The following CTNNA2 variants were observed in gnomAD, a reference collection of about 807,000 sequenced individuals.
The protein encoded by CTNNA2 is catenin alpha 2.
In CTNNA2, 42 loss-of-function variants were observed where a neutral mutation model predicts 101.0. The ratio of observed to expected loss-of-function variants is 0.42; its 90% CI spans 0.32 to 0.54. The LOEUF (loss-of-function observed/expected upper bound fraction) is 0.54. Among genes scored for constraint, CTNNA2 ranks in the 20% least tolerant of loss-of-function variants. The pLI, the probability that CTNNA2 is intolerant of heterozygous loss-of-function variation, is 0.14. For synonymous variants in CTNNA2, 450 were observed against 456.4 expected (o/e 0.99, Z 0.18); for missense variants, 871 against 1,223.1 (o/e 0.71, Z 4.29).
intron 2 of CTNNA2, among the ~76,000 whole-genome samples, chr2:79,675,638 G>A (rs1195116999): frequency 6.6e-6 from 1 of 152,132 alleles, no homozygotes. Flanking sequence ...GTTGCATTAT[G>A]TAAAACGAGG....
chr2:80,647,553 C>A, intron 18 of CTNNA2, 32 bp from the exon 19 acceptor site: 2 of 1,553,790 alleles, frequency 1.3e-6, no homozygotes, highest in South Asian at 1.2e-5. Flanking sequence ...CCTCCATTAA[C>A]CCACATGTAT....
At chr2:79,733,890 G>T (rs1047946613) in intron 2 of CTNNA2, among the ~76,000 whole-genome samples, 4 of 152,114 alleles carry the variant, frequency 2.6e-5, no homozygotes, top group Admixed American at 2.6e-4. Context: ...AAAAGATGAT[G>T]AATGTTGGGA....
At chr2:80,197,432 T>C (rs147957013) in intron 7 of CTNNA2, among the ~76,000 whole-genome samples, 1 of 152,352 alleles carries the variant, frequency 6.6e-6, no homozygotes, top group Admixed American at 6.5e-5. Context: ...GAAATCAGCA[T>C]GAATTACCTC....
At chr2:80,489,143 G>A (rs1686830178) in intron 9 of CTNNA2, among the ~76,000 whole-genome samples, 2 of 152,280 alleles carry the variant, frequency 1.3e-5, no homozygotes, top group South Asian at 4.1e-4. Context: ...TGAGGTGACA[G>A]CATTCAGCAA....
intron 4 of CTNNA2, among the ~76,000 whole-genome samples, chr2:79,444,491 C>A (rs1446296940): frequency 6.6e-6 from 1 of 152,076 alleles, no homozygotes; most frequent in Non-Finnish European, 1.5e-5. Flanking sequence ...ACTAGAAAGA[C>A]TTCCCTCCCC....
chr2:80,169,277 G>T (rs2148959252), intron 7 of CTNNA2, among the ~76,000 whole-genome samples: 1 of 152,276 alleles, frequency 6.6e-6, no homozygotes, highest in East Asian at 1.9e-4. Flanking sequence ...ATAGTCATGA[G>T]CACGAAATTC....
At chr2:80,567,418 G>A (rs1283277556) in intron 12 of CTNNA2, among the ~76,000 whole-genome samples, 3 of 152,136 alleles carry the variant, frequency 2.0e-5, no homozygotes, top group African/African-American at 7.2e-5. Flanking sequence ...ATGCTTCATG[G>A]ATGTGTGGAA....
At chr2:80,500,957 A>T (rs911082117) in intron 9 of CTNNA2, among the ~76,000 whole-genome samples, 45 of 152,170 alleles carry the variant, frequency 3.0e-4, no homozygotes, top group African/African-American at 8.4e-4. Context: ...TTTACAGGTA[A>T]GAGGAGTGAA....
chr2:80,344,272 TG>T (rs1224164213), intron 7 of CTNNA2, among the ~76,000 whole-genome samples: 1 of 152,182 alleles, frequency 6.6e-6, no homozygotes, highest in Non-Finnish European at 1.5e-5. Flanking sequence ...CTCTTAACTC[TG>T]GAGGGCTTCC....
chr2:79,526,431 A>G (rs1011639612), intron 1 of CTNNA2, among the ~76,000 whole-genome samples: 5 of 150,468 alleles, frequency 3.3e-5, no homozygotes, highest in South Asian at 2.1e-4. Context: ...ATTCAATGCT[A>G]TTGCTGTGAA....
chr2:80,109,595 T>G (rs999367516), intron 7 of CTNNA2, among the ~76,000 whole-genome samples: 19 of 152,206 alleles, frequency 1.2e-4, no homozygotes, highest in African/African-American at 4.3e-4. Flanking sequence ...ATATTTGGTA[T>G]TCTGAATTCT....
At chr2:79,321,274 C>A (rs1676617358) in intron 3 of CTNNA2, among the ~76,000 whole-genome samples, 2 of 152,076 alleles carry the variant, frequency 1.3e-5, no homozygotes, top group Non-Finnish European at 2.9e-5. Context: ...TGTCTGATGA[C>A]TCTGAAACAA....
intron 7 of CTNNA2, among the ~76,000 whole-genome samples, chr2:80,219,956 C>T (rs1397262137): frequency 2.0e-5 from 3 of 152,102 alleles, no homozygotes; most frequent in Non-Finnish European, 4.4e-5. Flanking sequence ...TTCCTTCCCT[C>T]ACAGTACATT....
intron 2 of CTNNA2, among the ~76,000 whole-genome samples, chr2:79,701,792 A>C (rs537141980): frequency 1.1e-4 from 16 of 152,204 alleles, no homozygotes; most frequent in Non-Finnish European, 1.8e-4. Flanking sequence ...ACTTGAGGTC[A>C]AGAGTTCAAG....
At chr2:79,321,396 T>C (rs551975440) in intron 3 of CTNNA2, among the ~76,000 whole-genome samples, 4 of 147,874 alleles carry the variant, frequency 2.7e-5, no homozygotes, top group Non-Finnish European at 6.0e-5. Flanking sequence ...CGTATGAAAG[T>C]AATTTGGGGC....
At chr2:80,435,661 T>C (rs1351454480) in intron 9 of CTNNA2, among the ~76,000 whole-genome samples, 1 of 152,190 alleles carries the variant, frequency 6.6e-6, no homozygotes, top group African/African-American at 2.4e-5. Context: ...CACTGGAAGA[T>C]GGCAAGGCCC....
intron 3 of CTNNA2, among the ~76,000 whole-genome samples, chr2:79,340,695 TG>T (rs1360970758): frequency 1.3e-5 from 2 of 151,754 alleles, no homozygotes; most frequent in Non-Finnish European, 1.5e-5. Flanking sequence ...TAGCCAGGCG[TG>T]GGTTGCAGGC....
chr2:79,974,381 G>A lies in CTNNA2; in HGVS notation c.1056+64584G>A, dbSNP rs548041194. 3.0e-4 allele frequency among the ~76,000 whole-genome samples: 45 copies of A among 152,228 alleles called. 1 individual carries two copies. The South Asian group carries it at 8.7e-3, about 29-fold the overall frequency. ...AAAGGTTAGCGAGAAGGTTCAACACGTTTCTTATTTCAGGCACCATTTTCT... is the reference window on the plus strand; with the variant it reads ...AAAGGTTAGCGAGAAGGTTCAACACATTTCTTATTTCAGGCACCATTTTCT... On this transcript the variant is annotated intron_variant, in intron 7 of 18. Transcript: ENST00000402739.
intron 4 of CTNNA2, among the ~76,000 whole-genome samples, chr2:79,394,196 TTTTG>T (rs147993580): frequency 2.6e-5 from 4 of 152,160 alleles, no homozygotes; most frequent in East Asian, 1.9e-4. Flanking sequence ...GTTTGTTTCT[TTTTG>T]TTTGTTTGTT....
Sources: gnomAD v4.1 joint callset for allele counts (sites outside exome capture counted in the v4.1 genomes callset) on GRCh38, gnomAD v4.1.1 for gene constraint, MANE v1.5 for transcripts, NCBI Gene and HGNC (gene_info 2026-07-23, HGNC 2026-07-21) for gene names.